The following ANO4 variants were observed in gnomAD, a reference collection of about 807,000 sequenced individuals.
The protein encoded by ANO4 is anoctamin-4.
Under a neutral mutation model 141.9 loss-of-function variants are expected in ANO4, and 69 were observed. That is an observed-to-expected ratio of 0.49 (90% CI 0.40 to 0.59). ANO4 has a LOEUF of 0.59. Ranked by LOEUF, ANO4 falls within the 20% of genes least tolerant of loss-of-function variation. The probability of loss-of-function intolerance (pLI) is 0.00; values close to 1 mark genes in which losing one functional copy is unlikely to be tolerated. For synonymous variants in ANO4, 350 were observed against 394.3 expected (o/e 0.89, Z 1.33); for missense variants, 894 against 1,162.2 (o/e 0.77, Z 3.36).
intron 13 of ANO4, among the ~76,000 whole-genome samples, chr12:101,045,766 C>G (rs1566171040): frequency 6.6e-6 from 1 of 152,142 alleles, no homozygotes; most frequent in Non-Finnish European, 1.5e-5. Context: ...CTCCAGGGAC[C>G]CCGGTGGCCC....
intron 1 of ANO4, among the ~76,000 whole-genome samples, chr12:100,900,899 C>T (rs1738332215): frequency 6.6e-6 from 1 of 152,140 alleles, no homozygotes; most frequent in Non-Finnish European, 1.5e-5. Flanking sequence ...TAGGAACCTC[C>T]AATGGTGAAC....
At chr12:101,120,674 A>G (rs771966030) in intron 26 of ANO4, 49 bp downstream of exon 26, 18 of 1,438,032 alleles carry the variant, frequency 1.3e-5, no homozygotes, top group Non-Finnish European at 1.8e-5. Flanking sequence ...TAATGAAGTC[A>G]GTAGGAGTAA....
At chr12:100,734,720 C>T (rs561569441) in intron 2 of ANO4, among the ~76,000 whole-genome samples, 17 of 152,236 alleles carry the variant, frequency 1.1e-4, no homozygotes, top group South Asian at 1.0e-3. Context: ...AACACTATGC[C>T]GTGGCTTCTC....
intron 2 of ANO4, among the ~76,000 whole-genome samples, chr12:100,903,311 G>A (rs184711362): frequency 1.3e-5 from 2 of 152,034 alleles, no homozygotes; most frequent in African/African-American, 2.4e-5. Context: ...TATTTCTCTC[G>A]CATGTAACTT....
chr12:100,869,607 G>A (rs949186233), intron 1 of ANO4, among the ~76,000 whole-genome samples: 14 of 152,146 alleles, frequency 9.2e-5, no homozygotes, highest in Non-Finnish European at 1.5e-5. Flanking sequence ...TGCAACTTTT[G>A]TTAGGCTCTG....
intron 14 of ANO4, among the ~76,000 whole-genome samples, chr12:101,056,724 A>G (rs2136702512): frequency 6.6e-6 from 1 of 151,946 alleles, no homozygotes; most frequent in South Asian, 2.1e-4. Context: ...ACAGGTTTTC[A>G]TATATGTCTG....
chr12:100,816,229 AG>A (rs2035733825), intron 1 of ANO4, among the ~76,000 whole-genome samples: 1 of 152,050 alleles, frequency 6.6e-6, no homozygotes, highest in South Asian at 2.1e-4. Flanking sequence ...TCAGTGGGAT[AG>A]ACGCATGAAA....
chr12:100,991,144 TG>T (rs1179994858), intron 8 of ANO4, among the ~76,000 whole-genome samples: 1 of 151,880 alleles, frequency 6.6e-6, no homozygotes, highest in Non-Finnish European at 1.5e-5. Flanking sequence ...ATATTATGAG[TG>T]GTGAGGATTT....
chr12:100,955,894 G>A (rs17405697), intron 5 of ANO4, among the ~76,000 whole-genome samples: 7,702 of 152,196 alleles, frequency 0.051, 265 homozygotes, highest in Admixed American at 0.11. Context: ...GAGGCCTTAG[G>A]GCTCCTCTGT....
At chr12:100,979,949 C>T (rs2044380664) in intron 7 of ANO4, among the ~76,000 whole-genome samples, 2 of 148,172 alleles carry the variant, frequency 1.3e-5, no homozygotes, top group East Asian at 4.0e-4. Flanking sequence ...ACTGTGTTAC[C>T]CAGGATGGTC....
At chr12:100,936,933 G>T (rs1298099908) in intron 3 of ANO4, among the ~76,000 whole-genome samples, 20 of 152,180 alleles carry the variant, frequency 1.3e-4, no homozygotes, top group Admixed American at 1.2e-3. Context: ...GCAGAGTTCA[G>T]AATAGCGAGC....
chr12:100,918,405 C>T (rs2041449917), intron 2 of ANO4, among the ~76,000 whole-genome samples: 2 of 152,172 alleles, frequency 1.3e-5, no homozygotes, highest in South Asian at 4.1e-4. Flanking sequence ...CATTTCACAG[C>T]TGAGGGATAA....
At chr12:100,913,177 A>G (rs2041190554) in intron 2 of ANO4, among the ~76,000 whole-genome samples, 1 of 152,168 alleles carries the variant, frequency 6.6e-6, no homozygotes, top group African/African-American at 2.4e-5. Flanking sequence ...ATTTTGATCT[A>G]TAGGATGCAT....
chr12:100,824,696 T>A (rs989830744), intron 1 of ANO4, among the ~76,000 whole-genome samples: 3 of 151,968 alleles, frequency 2.0e-5, no homozygotes, highest in African/African-American at 7.2e-5. Context: ...TGGCAGCCAG[T>A]GGGGAAGATC....
chr12:101,047,907 C>A (rs959313027), intron 13 of ANO4: 2 of 725,406 alleles, frequency 2.8e-6, no homozygotes, highest in Non-Finnish European at 3.4e-6. Context: ...ACTGCATAAA[C>A]AAAATAGCCA....
At chr12:100,869,662 G>C (rs1209807355) in intron 1 of ANO4, among the ~76,000 whole-genome samples, 1 of 152,148 alleles carries the variant, frequency 6.6e-6, no homozygotes, top group Non-Finnish European at 1.5e-5. Flanking sequence ...TGGAAAATGA[G>C]GGGTTGCTGC....
intron 11 of ANO4, among the ~76,000 whole-genome samples, chr12:101,041,203 G>T (rs1377644491): frequency 6.6e-6 from 1 of 152,170 alleles, no homozygotes; most frequent in African/African-American, 2.4e-5. Flanking sequence ...AATAAAATGA[G>T]CCCAGAGGGG....
At chr12:101,064,660 T>TATTATA (rs140173260) in intron 14 of ANO4, among the ~76,000 whole-genome samples, 92 of 122,384 alleles carry the variant, frequency 7.5e-4, no homozygotes, top group South Asian at 1.9e-3. Context: ...GAACTTAAAG[T>TATTATA]ATTATAATAA....
intron 3 of ANO4, among the ~76,000 whole-genome samples, chr12:100,936,772 G>A (rs758601421): frequency 3.1e-4 from 47 of 152,036 alleles, no homozygotes; most frequent in Non-Finnish European, 5.7e-4. Context: ...AGCTAGAATC[G>A]ACAAATCAGC....
Sources: gnomAD v4.1 joint callset for allele counts (sites outside exome capture counted in the v4.1 genomes callset) on GRCh38, gnomAD v4.1.1 for gene constraint, MANE v1.5 for transcripts, NCBI Gene and HGNC (gene_info 2026-07-23, HGNC 2026-07-21) for gene names.